ACAP3: variants seen among roughly 807,000 people sequenced by gnomAD.
ACAP3 encodes the protein arf-GAP with coiled-coil, ANK repeat and PH domain-containing protein 3.
ACAP3 carries 56 observed loss-of-function variants against 104.1 expected under a neutral mutation model. That is an observed-to-expected ratio of 0.54 (90% CI 0.43 to 0.67). ACAP3 has a LOEUF of 0.67. ACAP3 is among the 30% of genes least tolerant of loss of function. The pLI is 0.00. For synonymous variants in ACAP3, 628 were observed against 496.2 expected (o/e 1.27, Z -3.53); for missense variants, 1,208 against 1,174.9 (o/e 1.03, Z -0.41).
chr1:1,294,009 T>A, intron 22 of ACAP3, 76 bp from the exon 23 acceptor site: 1 of 1,466,686 alleles, frequency 6.8e-7, no homozygotes, highest in Non-Finnish European at 9.0e-7. Flanking sequence ...CGTGGCCGGA[T>A]AGGGCATGGC....
chr1:1,303,409 C>CA lies in ACAP3; in HGVS notation c.106-129dup. The CA allele has an allele frequency of 7.7e-7, 1 of 1,293,414 alleles. No individual in the cohort carries two copies. The highest frequency in any genetic ancestry group is 1.0e-6 in the Non-Finnish European group (1 of 974,200). The allele number at this position is 1,293,414 out of a possible 1,614,324, so 80.1% of individuals were successfully genotyped here. A position where few individuals can be genotyped will look rare whatever the true frequency, so the allele number is the denominator to read the frequency against. ...ACTCAGGGCGTTGGCACTCAGGACT[C>CA]AGTGCCCCGGTGCAGCTTCCTCACG... On this transcript the variant is annotated intron_variant, in intron 2 of 23. Coordinates refer to ENST00000354700, the MANE Select transcript of ACAP3 (RefSeq NM_030649.3). This position sits in a 1 kb window ranked among gnomAD's most constrained non-coding sequence, Gnocchi z 4.0.
Position 1,299,761 on chromosome 1 carries a change from C to T in ACAP3, c.738+70G>A, listed in dbSNP as rs760359347. On this transcript the variant is annotated intron_variant, in intron 9 of 23. Coordinates refer to ENST00000354700, the MANE Select transcript of ACAP3 (RefSeq NM_030649.3). ...GGAGGAAGGGGCGGGGAGGGTGTGC[C>T]GGGCATGGGGTGAGGACGCAGGGGC... The T allele has an allele frequency of 7.2e-5, 106 of 1,467,132 alleles. No homozygotes were observed. In the Middle Eastern group the frequency reaches 1.4e-3, roughly 19 times the overall value. The allele number at this position is 1,467,132 out of a possible 1,614,324, so 90.9% of individuals were successfully genotyped here. A position where few individuals can be genotyped will look rare whatever the true frequency, so the allele number is the denominator to read the frequency against.
At chr1:1,295,009 T>G in intron 19 of ACAP3, 193 bp from the exon 20 acceptor site, 2 of 596,574 alleles carry the variant, frequency 3.4e-6, no homozygotes. Flanking sequence ...AGCTCAAAGG[T>G]GCCAGGGGTA....
At chr1:1,301,897 A>G in intron 5 of ACAP3, 91 bp downstream of exon 5, 1 of 1,272,836 alleles carries the variant, frequency 7.9e-7, no homozygotes. Flanking sequence ...GCCTGGGCCC[A>G]AGGTGCCTCT....
In ACAP3 at chr1:1,296,418, G is replaced by A. The variant is rs1337063112; in HGVS notation, c.1337+7C>T. 20 of 1,545,488 alleles carry A rather than the reference G, an allele frequency of 1.3e-5. No individual in the cohort carries two copies. The highest frequency in any genetic ancestry group is 1.7e-5 in the Non-Finnish European group (19 of 1,145,914). ...CCCCACCCCCAGCCTGGCCCTCAGG[G>A]GCCCACCTGTGGATGCCGGAGCACT... On this transcript the variant is annotated splice_region_variant and intron_variant, in intron 15 of 23. Transcript: ENST00000354700.
intron 12 of ACAP3, 113 bp downstream of exon 12, chr1:1,298,257 C>T: frequency 7.6e-6 from 12 of 1,582,310 alleles, no homozygotes; most frequent in Non-Finnish European, 1.0e-5. Flanking sequence ...ACTGTTCCGG[C>T]TCCGGCGTCC....
Position 1,294,550 on chromosome 1 carries a change from C to T in ACAP3, c.1991G>A (p.Arg664His), listed in dbSNP as rs1298296477. The T allele has an allele frequency of 6.7e-7, 1 of 1,500,176 alleles. No homozygotes were observed. Among genetic ancestry groups the T allele is most frequent in the Non-Finnish European group, 8.8e-7 (1 of 1,134,144 alleles). The allele number at this position is 1,500,176 out of a possible 1,614,324, so 92.9% of individuals were successfully genotyped here. ...CGCCAAGAGCCCCGGGTGCAGCTCG[C>T]GCACGTCCGCCAGGCCCCAGGCCTC... ...EAEAWGLADVRELHPGLLAHR... is the reference protein window; with the variant it reads ...EAEAWGLADVHELHPGLLAHR... The change falls in exon 21 of 24, where the codon CGC becomes CAC. Residue 664 changes from arginine (R) to histidine (H), a missense_variant. Physicochemically the swap from Arg to His is conservative, Grantham distance 29. Coordinates refer to ENST00000354700, the MANE Select transcript of ACAP3 (RefSeq NM_030649.3).
rs1040631059 is a variant in ACAP3 at position 1,296,483 on chromosome 1, G to A, written c.1279C>T (p.Arg427Cys). The A allele has an allele frequency of 3.0e-5, 46 of 1,544,380 alleles. 1 individual carries two copies. Among genetic ancestry groups the A allele is most frequent in the African/African-American group, 1.2e-4 (9 of 73,182 alleles). Reference sequence around the variant, plus strand: ...ACGCCCAGGTTGATGCTGGCCCAGCGGGGGTCCGGCTGGCCGCAGTCGCCG... The same window carrying A: ...ACGCCCAGGTTGATGCTGGCCCAGCAGGGGTCCGGCTGGCCGCAGTCGCCG... ...QCGDCGQPDP[R>C]WASINLGVLL... Residue 427 changes from arginine to cysteine, a missense_variant, in exon 15 of 24, where the codon CGC becomes TGC. Arg to Cys is a radical substitution (Grantham distance 180). Transcript: ENST00000354700.
intron 4 of ACAP3, among the ~76,000 whole-genome samples, chr1:1,302,464 C>G (rs960533653): frequency 1.3e-4 from 20 of 152,176 alleles, no homozygotes; most frequent in Non-Finnish European, 2.8e-4. Flanking sequence ...AGAGAAGGAC[C>G]GGGCACAACC....
chr1:1,299,901 T>G lies in ACAP3; in HGVS notation c.668A>C (p.Asp223Ala). ...PYMKKLAAELDQLVIDSAVEK... is the reference protein window; with the variant it reads ...PYMKKLAAELAQLVIDSAVEK... ...CACCGCAGAGTCGATCACCAGCTGG[T>G]CCAGCTGTTGGGGGTGGCATTAGGG... is the stretch of plus-strand genomic sequence containing the variant. The change falls in exon 9 of 24, where the codon GAC (aspartate) becomes GCC (alanine). Residue 223 changes from aspartate (D) to alanine (A), a missense_variant. By Grantham distance (126) the Asp-to-Ala change is moderately radical (BLOSUM62 -2). Coordinates refer to ENST00000354700, the MANE Select transcript of ACAP3 (RefSeq NM_030649.3). 3 of 1,583,920 alleles carry G rather than the reference T, an allele frequency of 1.9e-6. No homozygotes were observed. The highest frequency in any genetic ancestry group is 2.6e-6 in the Non-Finnish European group (3 of 1,160,166).
Position 1,293,462 on chromosome 1 carries a change from C to A in ACAP3, c.*102G>T. On this transcript the variant is annotated 3_prime_UTR_variant, in exon 24 of 24. Transcript: ENST00000354700. ...AGCACTGGGGCTGCCAGGTATCGAC[C>A]CGCGGGTCACACGCAGGGCCGCGGC... 1 of 1,231,502 alleles carries A rather than the reference C, an allele frequency of 8.1e-7. No homozygotes were observed. Among genetic ancestry groups the A allele is most frequent in the Non-Finnish European group, 1.0e-6 (1 of 970,578 alleles). The allele number at this position is 1,231,502 out of a possible 1,614,324, so 76.3% of individuals were successfully genotyped here. A position where few individuals can be genotyped will look rare whatever the true frequency, so the allele number is the denominator to read the frequency against.
Position 1,302,050 on chromosome 1 carries a change from GGGGCAGAGGC to G in ACAP3, c.280-14_280-5del, listed in dbSNP as rs758778900. The G allele has an allele frequency of 1.9e-6, 3 of 1,543,004 alleles. No homozygotes were observed. Among genetic ancestry groups the G allele is most frequent in the East Asian group, 2.4e-5 (1 of 41,498 alleles). On this transcript the variant is annotated splice_region_variant and splice_polypyrimidine_tract_variant and intron_variant, in intron 4 of 23. Coordinates refer to ENST00000354700, the MANE Select transcript of ACAP3 (RefSeq NM_030649.3). ...TCTGGGCCTGGTCAAACAGGATCTG[GGGGCAGAGGC>G]GGGCAGAGATCCTTGGGGTCTGTCC... is the stretch of plus-strand genomic sequence containing the variant.
At position 1,293,586 on chromosome 1, in the gene ACAP3, C is replaced by T. The variant is rs1344998149; in HGVS notation, c.2483G>A (p.Ser828Asn). 5 of 1,485,280 alleles carry T rather than the reference C, an allele frequency of 3.4e-6. No homozygotes were observed. Among genetic ancestry groups the T allele is most frequent in the African/African-American group, 1.5e-5 (1 of 67,980 alleles). The allele number at this position is 1,485,280 out of a possible 1,614,324, so 92.0% of individuals were successfully genotyped here. A position where few individuals can be genotyped will look rare whatever the true frequency, so the allele number is the denominator to read the frequency against. The change falls in exon 24 of 24, where the codon AGC (serine) becomes AAC (asparagine). Residue 828 changes from serine to asparagine, a missense_variant. Physicochemically the swap from Ser to Asn is conservative, Grantham distance 46. Coordinates refer to ENST00000354700, the MANE Select transcript of ACAP3 (RefSeq NM_030649.3). ...GCCCTAGCTCTCTTCCAGGTGGAGG[C>T]TGATGAACTCCTGGATACACCTGCG... ...QFRRCIQEFI[S>N]LHLEES is the part of the protein sequence containing the mutation.
At chr1:1,307,000 G>C (rs980139386) in intron 1 of ACAP3, 5 of 454,956 alleles carry the variant, frequency 1.1e-5, no homozygotes, top group South Asian at 4.9e-5. Context: ...GAGGCACGCA[G>C]AGGGGCAAAG....
chr1:1,294,198 C>T lies in ACAP3; in HGVS notation c.2141G>A (p.Gly714Asp), dbSNP rs773387180. The stretch of plus-strand genomic sequence containing the variant: ...CAGGAACTCACAGACGATCAAGGAG[C>T]CCTGGGGAGCCGGGGCAACTCAGAC... Reference protein sequence around the residue: ...KTPLVQAVLGGSLIVCEFLLQ... With the variant: ...KTPLVQAVLGDSLIVCEFLLQ... Residue 714 changes from glycine to aspartate, a missense_variant and splice_region_variant, in exon 22 of 24, where the codon GGC becomes GAC. Coordinates refer to ENST00000354700, the MANE Select transcript of ACAP3 (RefSeq NM_030649.3). The T allele has an allele frequency of 1.3e-6, 2 of 1,581,874 alleles. No individual in the cohort carries two copies. Among genetic ancestry groups the T allele is most frequent in the Admixed American group, 1.8e-5 (1 of 55,560 alleles).
chr1:1,294,108 G>A lies in ACAP3; in HGVS notation c.2231C>T (p.Thr744Met), dbSNP rs1173700069. ...SRGRAPLHHATLLGRTGQVCL... is the reference protein window; with the variant it reads ...SRGRAPLHHAMLLGRTGQVCL... ...GTCTCACCCGGTGCGGCCCAGCAGC[G>A]TGGCGTGGTGCAGGGGCGCCCGGCC... Residue 744 changes from threonine (T) to methionine (M), a missense_variant, in exon 22 of 24, where the codon ACG becomes ATG. Coordinates refer to ENST00000354700, the MANE Select transcript of ACAP3 (RefSeq NM_030649.3). The A allele has an allele frequency of 6.3e-7, 1 of 1,582,628 alleles. No individual in the cohort carries two copies. Among genetic ancestry groups the A allele is most frequent in the Non-Finnish European group, 8.6e-7 (1 of 1,164,440 alleles).
rs1220307386 is a variant in ACAP3 at position 1,297,646 on chromosome 1, CGTGT to C, written c.1128+172_1128+175del. 2.5e-4 allele frequency among the ~76,000 whole-genome samples: 20 copies of C among 81,554 alleles called. 2 individuals are homozygous for C. The highest frequency in any genetic ancestry group is 2.3e-3 in the African/African-American group (15 of 6,406). The allele number at this position is 81,554 out of a possible 152,430, so 53.5% of individuals were successfully genotyped here. A position where few individuals can be genotyped will look rare whatever the true frequency, so the allele number is the denominator to read the frequency against. On this transcript the variant is annotated intron_variant, in intron 14 of 23. Transcript: ENST00000354700. ...GGGGCAGGGGCCATCCCCAGTGGCA[CGTGT>C]GTGTGTGCACAGGCGCGGGGCAGGG... is the stretch of plus-strand genomic sequence containing the variant.
Position 1,299,999 on chromosome 1 carries a change from G to A in ACAP3, c.637C>T (p.Pro213Ser). 1 of 1,612,148 alleles carries A rather than the reference G, an allele frequency of 6.2e-7. No individual in the cohort carries two copies. The highest frequency in any genetic ancestry group is 8.5e-7 in the Non-Finnish European group (1 of 1,179,570). ...TCGGCTGCCAGCTTCTTCATGTAGG[G>A]GTCCAGCTGGTGCAGGAGGCTGTAG... ...QGYSLLHQLDPYMKKLAAELD... is the reference protein window; with the variant it reads ...QGYSLLHQLDSYMKKLAAELD... Residue 213 changes from proline (P) to serine (S), a missense_variant, in exon 8 of 24, where the codon CCC becomes TCC. Transcript: ENST00000354700.
At position 1,302,986 on chromosome 1, in the gene ACAP3, A is replaced by AG; in HGVS notation, c.226-12dup. On this transcript the variant is annotated splice_polypyrimidine_tract_variant and intron_variant, in intron 3 of 23. Coordinates refer to ENST00000354700, the MANE Select transcript of ACAP3 (RefSeq NM_030649.3). ...CCTCTGCAGACATTCCTGGAGGAGC[A>AG]GATGGGAACCCGTGCTGAGATGGCA... 6.2e-7 allele frequency: 1 copy of AG among 1,609,136 alleles called. No homozygotes were observed.
Sources: allele counts gnomAD v4.1 joint callset (sites outside exome capture counted in the v4.1 genomes callset), GRCh38; gene constraint gnomAD v4.1.1; non-coding constraint Gnocchi (gnomAD v3.1); transcripts MANE v1.5; gene names NCBI Gene and HGNC (gene_info 2026-07-23, HGNC 2026-07-21).